MARCHF4: variants seen among roughly 807,000 people sequenced by gnomAD.
MARCHF4 encodes membrane associated ring-CH-type finger 4, also known as E3 ubiquitin-protein ligase MARCHF4.
Under a neutral mutation model 43.9 loss-of-function variants are expected in MARCHF4, and 14 were observed. That is an observed-to-expected ratio of 0.32 (90% confidence interval 0.21 to 0.50). The LOEUF (loss-of-function observed/expected upper bound fraction) is 0.50. Among genes scored for constraint, MARCHF4 ranks in the 20% least tolerant of loss-of-function variants. The pLI is 0.98. For missense variants in MARCHF4, 468 were observed against 536.7 expected (o/e 0.87, Z 1.27); for synonymous variants, 226 against 213.3 (o/e 1.06, Z -0.52).
intron 1 of MARCHF4, among the ~76,000 whole-genome samples, chr2:216,308,603 T>C (rs1354070920): frequency 6.6e-6 from 1 of 152,182 alleles, no homozygotes; most frequent in African/African-American, 2.4e-5. Flanking sequence ...AGGCCTGCAC[T>C]CTGCTTCCGG....
chr2:216,352,687 G>A (rs1016563355), intron 1 of MARCHF4, among the ~76,000 whole-genome samples: 9 of 152,124 alleles, frequency 5.9e-5, no homozygotes, highest in South Asian at 2.1e-4. Flanking sequence ...CTCCTCCTTC[G>A]ACCTGGAGCG....
At chr2:216,343,142 T>G (rs575394983) in intron 1 of MARCHF4, among the ~76,000 whole-genome samples, 3 of 152,330 alleles carry the variant, frequency 2.0e-5, no homozygotes, top group African/African-American at 7.2e-5. Flanking sequence ...AGATATTTCA[T>G]TCAGCAGGCA....
intron 3 of MARCHF4, among the ~76,000 whole-genome samples, chr2:216,263,884 A>G (rs1690800312): frequency 6.6e-6 from 1 of 152,118 alleles, no homozygotes; most frequent in African/African-American, 2.4e-5. Context: ...AGATGTAGGG[A>G]TGAGCTGAGC....
intron 3 of MARCHF4, among the ~76,000 whole-genome samples, chr2:216,275,326 C>A (rs1047441788): frequency 6.6e-6 from 1 of 152,130 alleles, no homozygotes; most frequent in East Asian, 1.9e-4. Context: ...GAGCACCAGG[C>A]CAGGCTGAGC....
intron 1 of MARCHF4, among the ~76,000 whole-genome samples, chr2:216,312,347 C>T (rs1386198402): frequency 1.3e-5 from 2 of 152,142 alleles, no homozygotes; most frequent in South Asian, 4.1e-4. Context: ...TTTTCTTTAT[C>T]CAGTCAGCTG....
At chr2:216,365,896 C>G (rs902403274) in intron 1 of MARCHF4, among the ~76,000 whole-genome samples, 6 of 152,180 alleles carry the variant, frequency 3.9e-5, no homozygotes, top group South Asian at 4.1e-4. Flanking sequence ...TCCAGCAGAA[C>G]AGCAGGCAAA....
chr2:216,271,484 C>A (rs1225426100), intron 3 of MARCHF4, among the ~76,000 whole-genome samples: 3 of 152,168 alleles, frequency 2.0e-5, no homozygotes, highest in Non-Finnish European at 1.5e-5. Context: ...TGGATTGTGA[C>A]TTATCTGTAG....
At chr2:216,264,416 TG>T (rs1180317601) in intron 3 of MARCHF4, among the ~76,000 whole-genome samples, 1 of 152,226 alleles carries the variant, frequency 6.6e-6, no homozygotes, top group Non-Finnish European at 1.5e-5. Context: ...CTCTCCCAGT[TG>T]TACCAACTCC....
chr2:216,370,133 C>G lies in MARCHF4; in HGVS notation c.128G>C (p.Arg43Pro). The change falls in exon 1 of 4, where the codon CGC (arginine) becomes CCC (proline). Residue 43 changes from arginine to proline, a missense_variant. Physicochemically the swap from Arg to Pro is moderately radical, Grantham distance 103 (BLOSUM62 -2). Around this residue, in one of 3 missense-constraint regions of MARCHF4, gnomAD observed 190 missense variants for 158.5 expected, o/e 1.20. Coordinates refer to ENST00000273067, the MANE Select transcript of MARCHF4 (RefSeq NM_020814.3). The stretch of plus-strand genomic sequence containing the variant: ...AACCTTCAGGTCATTGAAGAGCATG[C>G]GGCAGCGGCACTTGAGGAGACCCTG... The part of the protein sequence containing the change: ...RHQGLLKCRC[R>P]MLFNDLKVFL... 1 of 1,606,192 alleles carries G rather than the reference C, an allele frequency of 6.2e-7. No homozygotes were observed. Among genetic ancestry groups the G allele is most frequent in the African/African-American group, 1.3e-5 (1 of 74,964 alleles).
intron 1 of MARCHF4, among the ~76,000 whole-genome samples, chr2:216,329,345 G>C (rs1001974120): frequency 2.6e-5 from 4 of 152,004 alleles, no homozygotes; most frequent in Non-Finnish European, 5.9e-5. Context: ...GGCGCCACTG[G>C]ACTCCAGCCT....
intron 3 of MARCHF4, among the ~76,000 whole-genome samples, chr2:216,262,452 CAG>C (rs1332301137): frequency 6.6e-6 from 1 of 152,078 alleles, no homozygotes; most frequent in East Asian, 1.9e-4. Context: ...CCATGGAGCC[CAG>C]GCTGGGGATG....
At chr2:216,323,311 A>T (rs1289018124) in intron 1 of MARCHF4, among the ~76,000 whole-genome samples, 1 of 152,198 alleles carries the variant, frequency 6.6e-6, no homozygotes. Context: ...AGAGGTTTGT[A>T]TGTAATTTTA....
intron 1 of MARCHF4, among the ~76,000 whole-genome samples, chr2:216,349,893 G>A (rs1420007812): frequency 6.6e-6 from 1 of 152,052 alleles, no homozygotes. Flanking sequence ...TTATTATGTA[G>A]GGTCACTGGG....
At chr2:216,352,862 G>T (rs542403194) in intron 1 of MARCHF4, among the ~76,000 whole-genome samples, 71 of 152,280 alleles carry the variant, frequency 4.7e-4, no homozygotes, top group Non-Finnish European at 8.4e-4. Context: ...CACAAGACTG[G>T]CAAAGCACCA....
intron 1 of MARCHF4, among the ~76,000 whole-genome samples, chr2:216,325,280 G>A (rs1691970199): frequency 6.6e-6 from 1 of 152,138 alleles, no homozygotes; most frequent in Admixed American, 6.5e-5. Context: ...ACCTCTTCAA[G>A]GAGAACTACA....
chr2:216,313,249 C>T (rs1210179959), intron 1 of MARCHF4, among the ~76,000 whole-genome samples: 1 of 152,014 alleles, frequency 6.6e-6, no homozygotes. Flanking sequence ...GTTGATAAAA[C>T]AATTTTTAAA....
rs1690868442 is a variant in MARCHF4 at position 216,267,728 on chromosome 2, T to C, written c.866-8049A>G. Among the ~76,000 whole-genome samples, 4 of 152,226 alleles carry C rather than the reference T, an allele frequency of 2.6e-5. No individual in the cohort carries two copies. The South Asian group carries it at 8.3e-4, about 31-fold the overall frequency. ...TGAGCTTCCACCTTATTTATCAAAT[T>C]GGGGCTATTTCTAGTCACAAACCCA... On this transcript the variant is annotated intron_variant, in intron 3 of 3. Coordinates refer to ENST00000273067, the MANE Select transcript of MARCHF4 (RefSeq NM_020814.3).
chr2:216,280,895 A>C (rs538952507), intron 2 of MARCHF4, among the ~76,000 whole-genome samples: 1 of 151,972 alleles, frequency 6.6e-6, no homozygotes, highest in Admixed American at 6.5e-5. Context: ...TGCAATTCAC[A>C]TGTAACAAAG....
rs910030817 is a variant in MARCHF4, at chr2:216,370,139, C to T, written c.122G>A (p.Arg41His). The part of the protein sequence containing the change: ...MLRHQGLLKC[R>H]CRMLFNDLKV... ...CAGGTCATTGAAGAGCATGCGGCAG[C>T]GGCACTTGAGGAGACCCTGGTGGCG... Residue 41 changes from arginine (R) to histidine (H), a missense_variant, in exon 1 of 4, where the codon CGC becomes CAC. Around this residue, in one of 3 missense-constraint regions of MARCHF4, gnomAD observed 190 missense variants for 158.5 expected, o/e 1.20. Coordinates refer to ENST00000273067, the MANE Select transcript of MARCHF4 (RefSeq NM_020814.3). 21 of 1,607,592 alleles carry T rather than the reference C, an allele frequency of 1.3e-5. No individual in the cohort carries two copies. The highest frequency in any genetic ancestry group is 3.3e-4 in the Middle Eastern group (2 of 6,054).
Sources: allele counts gnomAD v4.1 joint callset (sites outside exome capture counted in the v4.1 genomes callset), GRCh38; gene constraint gnomAD v4.1.1; regional missense constraint gnomAD v4.1.1; transcripts MANE v1.5; gene names NCBI Gene and HGNC (gene_info 2026-07-23, HGNC 2026-07-21).